The following MAP2K5 variants were observed in gnomAD, a reference collection of about 807,000 sequenced individuals.
The protein encoded by MAP2K5 is mitogen-activated protein kinase kinase 5, also known as dual specificity mitogen-activated protein kinase kinase 5.
MAP2K5 carries 49 observed loss-of-function variants against 83.1 expected under a neutral mutation model. The observed-to-expected ratio is 0.59, with a 90% confidence interval of 0.47 to 0.75. The LOEUF is 0.75. Among genes scored for constraint, MAP2K5 ranks in the 30% least tolerant of loss-of-function variants. MAP2K5 has a pLI of 0.00. For synonymous variants in MAP2K5, 202 were observed against 191.8 expected, an observed-to-expected ratio of 1.05 and a Z score of -0.44; for missense variants, 457 against 557.5, an observed-to-expected ratio of 0.82 and a Z score of 1.82.
chr15:67,685,419 G>A (rs774311661), intron 13 of MAP2K5, among the ~76,000 whole-genome samples: 8 of 151,972 alleles, frequency 5.3e-5, no homozygotes, highest in South Asian at 2.1e-4. Flanking sequence ...TTCATTGCCA[G>A]TAGACCAGCA....
At chr15:67,645,352 C>T (rs1263124446) in intron 9 of MAP2K5, among the ~76,000 whole-genome samples, 1 of 151,266 alleles carries the variant, frequency 6.6e-6, no homozygotes, top group Non-Finnish European at 1.5e-5. Context: ...TGGTGGCACA[C>T]CTGTGGTCCC....
At chr15:67,605,704 T>C (rs551810639) in intron 8 of MAP2K5, among the ~76,000 whole-genome samples, 1 of 152,230 alleles carries the variant, frequency 6.6e-6, no homozygotes, top group African/African-American at 2.4e-5. Flanking sequence ...GGCAGTGTTG[T>C]CTCAAGGTCA....
intron 8 of MAP2K5, among the ~76,000 whole-genome samples, chr15:67,622,039 C>A (rs1357313493): frequency 3.3e-5 from 5 of 151,432 alleles, no homozygotes; most frequent in African/African-American, 1.2e-4. Context: ...CAAAAATTAG[C>A]CGGGCATGGT....
chr15:67,602,339 C>T (rs550133798), intron 8 of MAP2K5, among the ~76,000 whole-genome samples: 21 of 152,272 alleles, frequency 1.4e-4, no homozygotes, highest in East Asian at 1.9e-4. Context: ...AAAGCTTGAA[C>T]CTTTCTTCTT....
At chr15:67,729,537 G>A (rs560542450) in intron 17 of MAP2K5, among the ~76,000 whole-genome samples, 4 of 152,184 alleles carry the variant, frequency 2.6e-5, no homozygotes, top group South Asian at 2.1e-4. Context: ...TTGGGAGGCC[G>A]AGGTGGGCGG....
intron 13 of MAP2K5, among the ~76,000 whole-genome samples, chr15:67,666,485 G>A (rs2087381433): frequency 6.6e-6 from 1 of 152,118 alleles, no homozygotes; most frequent in Admixed American, 6.6e-5. Flanking sequence ...TAAAAATAAT[G>A]TCTAGGGTCA....
chr15:67,652,842 A>G lies in MAP2K5; in HGVS notation c.737-5711A>G, dbSNP rs912005588. 6.6e-6 allele frequency among the ~76,000 whole-genome samples: 1 copy of G among 152,104 alleles called. No individual in the cohort carries two copies. Among genetic ancestry groups the G allele is most frequent in the African/African-American group, 2.4e-5 (1 of 41,406 alleles). On this transcript the variant is annotated intron_variant, in intron 11 of 21. Transcript: ENST00000178640. The surrounding 1 kb of genome is among the most constrained non-coding windows in gnomAD (Gnocchi z 4.2). ...GCAAACAGCATTATACTCTGTCTCT[A>G]TGTGACTACTCTAGGTACCTCATAT...
chr15:67,656,083 C>T (rs1414350379), intron 11 of MAP2K5, among the ~76,000 whole-genome samples: 1 of 151,990 alleles, frequency 6.6e-6, no homozygotes, highest in Non-Finnish European at 1.5e-5. Context: ...CTTCAGGGAA[C>T]AAAGAAAAGT....
rs182904503 is a variant in MAP2K5 at position 67,786,661 on chromosome 15, A to C, written c.1242+13909A>C. Among the ~76,000 whole-genome samples, 313 of 152,314 alleles carry C rather than the reference A, an allele frequency of 2.1e-3. 6 individuals carry two copies. Among genetic ancestry groups the C allele is most frequent in the Admixed American group, 0.02 (301 of 15,300 alleles). On this transcript the variant is annotated intron_variant, in intron 21 of 21. Coordinates refer to ENST00000178640, the MANE Select transcript of MAP2K5 (RefSeq NM_145160.3). This position sits in a 1 kb window ranked among gnomAD's most constrained non-coding sequence, Gnocchi z 4.7. ...TACAGAACTTGGAAAGTGGTGGTAC[A>C]ACAGAAAGCCAGCTTCTCCCCTCCC...
At chr15:67,761,119 G>A (rs1256590484) in intron 19 of MAP2K5, among the ~76,000 whole-genome samples, 1 of 151,898 alleles carries the variant, frequency 6.6e-6, no homozygotes, top group African/African-American at 2.4e-5. Flanking sequence ...GGAAGCGTCT[G>A]GGCCCACGAG....
Position 67,600,742 on chromosome 15 carries a change from G to A in MAP2K5, c.538G>A (p.Val180Ile), listed in dbSNP as rs777718253. The change falls in exon 8 of 22, where the codon GTC (valine) becomes ATC (isoleucine). Residue 180 changes from valine to isoleucine, a missense_variant. Around this residue, in one of 3 missense-constraint regions of MAP2K5, gnomAD observed 234 missense variants for 243.6 expected, o/e 0.96. Coordinates refer to ENST00000178640, the MANE Select transcript of MAP2K5 (RefSeq NM_145160.3). Reference protein sequence around the residue: ...DTLGHGNGGTVYKAYHVPSGK... With the variant: ...DTLGHGNGGTIYKAYHVPSGK... ...TCTTGGTCATGGCAACGGAGGCACAGTCTACAAGTGAGTAGTCAATTTTGT... is the reference window on the plus strand; with the variant it reads ...TCTTGGTCATGGCAACGGAGGCACAATCTACAAGTGAGTAGTCAATTTTGT... 1 of 1,603,420 alleles carries A rather than the reference G, an allele frequency of 6.2e-7. No individual in the cohort carries two copies. Among genetic ancestry groups the A allele is most frequent in the Admixed American group, 1.8e-5 (1 of 56,848 alleles).
chr15:67,589,453 A>C (rs188579286), intron 6 of MAP2K5, among the ~76,000 whole-genome samples: 1 of 152,316 alleles, frequency 6.6e-6, no homozygotes, highest in African/African-American at 2.4e-5. Context: ...TCCCATTGCC[A>C]AGGCAAGGCC....
At chr15:67,716,744 TC>T (rs2088835491) in intron 16 of MAP2K5, among the ~76,000 whole-genome samples, 1 of 152,138 alleles carries the variant, frequency 6.6e-6, no homozygotes, top group South Asian at 2.1e-4. Flanking sequence ...TAGTGCTCTT[TC>T]CTCTCTTCCA....
intron 7 of MAP2K5, among the ~76,000 whole-genome samples, chr15:67,597,197 A>C (rs2085547114): frequency 1.3e-5 from 2 of 151,432 alleles, no homozygotes; most frequent in African/African-American, 4.9e-5. Flanking sequence ...AAAAAAAAAA[A>C]CTACTTGGTA....
chr15:67,544,579 C>T (rs755330049), intron 1 of MAP2K5, among the ~76,000 whole-genome samples: 4 of 152,164 alleles, frequency 2.6e-5, no homozygotes, highest in Non-Finnish European at 4.4e-5. Flanking sequence ...ATGTTGCAGC[C>T]GCTTCTAATC....
rs2089673316 is a variant in MAP2K5, at chr15:67,749,468, A to G, written c.1134+867A>G. Reference sequence around the variant, plus strand: ...AGAGGGAAGGCAGTAAATGATTCAGATAGGAAAGTTTGAAAGAAAAAAATT... The same window carrying G: ...AGAGGGAAGGCAGTAAATGATTCAGGTAGGAAAGTTTGAAAGAAAAAAATT... On this transcript the variant is annotated intron_variant, in intron 19 of 21. Coordinates refer to ENST00000178640, the MANE Select transcript of MAP2K5 (RefSeq NM_145160.3). The surrounding 1 kb of genome is among the most constrained non-coding windows in gnomAD (Gnocchi z 4.6). Among the ~76,000 whole-genome samples the G allele has an allele frequency of 6.6e-6, 1 of 152,212 alleles. No individual in the cohort carries two copies. Among genetic ancestry groups the G allele is most frequent in the South Asian group, 2.1e-4 (1 of 4,830 alleles).
Position 67,751,879 on chromosome 15 carries a change from T to G in MAP2K5, c.1134+3278T>G, listed in dbSNP as rs554653792. ...ATTGATATTCTCGGGCCTCTTGAAG[T>G]GTATAGAGCCCTTTGCCCCCAGGCT... On this transcript the variant is annotated intron_variant, in intron 19 of 21. Coordinates refer to ENST00000178640, the MANE Select transcript of MAP2K5 (RefSeq NM_145160.3). 2.0e-5 allele frequency among the ~76,000 whole-genome samples: 3 copies of G among 152,142 alleles called. No individual in the cohort carries two copies. The South Asian group carries it at 6.2e-4, about 31-fold the overall frequency.
intron 13 of MAP2K5, among the ~76,000 whole-genome samples, chr15:67,681,535 A>G (rs557082137): frequency 3.9e-5 from 6 of 152,354 alleles, no homozygotes; most frequent in Non-Finnish European, 8.8e-5. Flanking sequence ...TTTAAAATGA[A>G]AAAAGGAGTA....
At position 67,760,055 on chromosome 15, in the gene MAP2K5, T is replaced by G. The variant is rs2089919337; in HGVS notation, c.1135-9547T>G. On this transcript the variant is annotated intron_variant, in intron 19 of 21. Transcript: ENST00000178640. This position sits in a 1 kb window ranked among gnomAD's most constrained non-coding sequence, Gnocchi z 4.1. ...AGGCAATCTTTAGAAATCTAATACC[T>G]TCTTTGAAAAGTCCAGTGTGTTTAA... is the stretch of plus-strand genomic sequence containing the variant. Among the ~76,000 whole-genome samples, 1 of 152,242 alleles carries G rather than the reference T, an allele frequency of 6.6e-6. No individual in the cohort carries two copies. The highest frequency in any genetic ancestry group is 2.1e-4 in the South Asian group (1 of 4,832).
Sources: gnomAD v4.1 joint callset for allele counts (sites outside exome capture counted in the v4.1 genomes callset) on GRCh38, gnomAD v4.1.1 for gene constraint, gnomAD v4.1.1 regional missense constraint, Gnocchi (gnomAD v3.1) non-coding constraint, MANE v1.5 for transcripts, NCBI Gene and HGNC (gene_info 2026-07-23, HGNC 2026-07-21) for gene names.